The following TSPAN2 variants were observed in gnomAD, a reference collection of about 807,000 sequenced individuals.
TSPAN2 encodes tetraspanin-2.
TSPAN2 carries 24 observed loss-of-function variants against 33.3 expected under a neutral mutation model. The observed-to-expected ratio is 0.72, with a 90% CI of 0.52 to 1.01. The LOEUF (loss-of-function observed/expected upper bound fraction) is 1.01. Ranked by LOEUF, TSPAN2 falls within the 50% of genes least tolerant of loss-of-function variation. TSPAN2 has a pLI of 0.00. For missense variants in TSPAN2, 278 were observed against 281.3 expected, an observed-to-expected ratio of 0.99 and a Z score of 0.08; for synonymous variants, 114 against 104.5, an observed-to-expected ratio of 1.09 and a Z score of -0.56.
chr1:115,067,607 C>G (rs891611795), intron 2 of TSPAN2, among the ~76,000 whole-genome samples: 5 of 151,998 alleles, frequency 3.3e-5, no homozygotes, highest in South Asian at 2.1e-4. Flanking sequence ...CAAGCCACCC[C>G]CTTGGTGTTC....
Position 115,049,823 on chromosome 1 carries a change from G to C in TSPAN2, c.*667C>G, listed in dbSNP as rs1222727127. On this transcript the variant is annotated 3_prime_UTR_variant, in exon 8 of 8. Transcript: ENST00000369516. ...GTCTGTGTGACTTCTCTTTCCAGAGGAAGACTTTTTTATTTTTAAATTCTA... is the reference window on the plus strand; with the variant it reads ...GTCTGTGTGACTTCTCTTTCCAGAGCAAGACTTTTTTATTTTTAAATTCTA... 6.6e-6 allele frequency: 1 copy of C among 152,550 alleles called. No homozygotes were observed. Among genetic ancestry groups the C allele is most frequent in the Admixed American group, 6.5e-5 (1 of 15,272 alleles). The allele number at this position is 152,550 out of a possible 1,614,324, so 9.4% of individuals were successfully genotyped here. A position where few individuals can be genotyped will look rare whatever the true frequency, so the allele number is the denominator to read the frequency against.
At chr1:115,083,785 A>G (rs914922330) in intron 1 of TSPAN2, among the ~76,000 whole-genome samples, 15 of 152,208 alleles carry the variant, frequency 9.9e-5, no homozygotes, top group Admixed American at 6.5e-4. Flanking sequence ...AGTGCACACA[A>G]CTACCTTAGC....
At chr1:115,065,111 G>A (rs1404173566) in intron 2 of TSPAN2, among the ~76,000 whole-genome samples, 2 of 152,194 alleles carry the variant, frequency 1.3e-5, no homozygotes, top group Non-Finnish European at 1.5e-5. Context: ...TGTTTTGTAT[G>A]TGTGGGCCCG....
chr1:115,084,910 G>A (rs1232436897), intron 1 of TSPAN2, among the ~76,000 whole-genome samples: 4 of 152,196 alleles, frequency 2.6e-5, no homozygotes, highest in African/African-American at 9.7e-5. Context: ...GGCAACTTCA[G>A]ACTTGCCATA....
Position 115,073,024 on chromosome 1 carries a change from A to G in TSPAN2, c.70-17T>C. The G allele has an allele frequency of 1.2e-6, 2 of 1,607,242 alleles. No homozygotes were observed. Among genetic ancestry groups the G allele is most frequent in the Non-Finnish European group, 1.7e-6 (2 of 1,173,738 alleles). ...TCCAGCCAGCTGGAAGGCAAACGAC[A>G]CTGTGTTTACAGTGGAAGGGGAAAG... On this transcript the variant is annotated splice_polypyrimidine_tract_variant and intron_variant, in intron 1 of 7. Transcript: ENST00000369516.
chr1:115,089,449 G>GGGATCCCCAGTCCCCA lies in TSPAN2; in HGVS notation c.-33_-18dup. 6.5e-7 allele frequency: 1 copy of GGGATCCCCAGTCCCCA among 1,545,668 alleles called. No individual in the cohort carries two copies. The highest frequency in any genetic ancestry group is 8.7e-7 in the Non-Finnish European group (1 of 1,147,452). ...GCGCCCCATGCTGCGGCCCGGCGGC[G>GGGATCCCCAGTCCCCA]GGATCCCCAGTCCCCAGGCCCGCGC... On this transcript the variant is annotated 5_prime_UTR_variant, in exon 1 of 8. Coordinates refer to ENST00000369516, the MANE Select transcript of TSPAN2 (RefSeq NM_005725.6).
chr1:115,065,746 G>A (rs1280960741), intron 2 of TSPAN2, among the ~76,000 whole-genome samples: 2 of 152,152 alleles, frequency 1.3e-5, no homozygotes, highest in Non-Finnish European at 2.9e-5. Flanking sequence ...TTATCTTTGT[G>A]TTGGGAAGTT....
In TSPAN2 at chr1:115,050,942, A is replaced by G. The variant is rs563350554; in HGVS notation, c.601-387T>C. ...GTGTCCATAACCACTTGTTGTTTAG[A>G]TATGCTTGTGGTCTAAATAATTTTC... On this transcript the variant is annotated intron_variant, in intron 7 of 7. Coordinates refer to ENST00000369516, the MANE Select transcript of TSPAN2 (RefSeq NM_005725.6). 2.6e-5 allele frequency among the ~76,000 whole-genome samples: 4 copies of G among 152,250 alleles called. No individual in the cohort carries two copies. The South Asian group carries it at 8.3e-4, about 32-fold the overall frequency.
Position 115,089,376 on chromosome 1 carries a change from G to T in TSPAN2, c.57C>A (p.Asn19Lys). 1 of 1,594,102 alleles carries T rather than the reference G, an allele frequency of 6.3e-7. No homozygotes were observed. ...RCIKYLLLGF[N>K]LLFWLAGSAV... ...CTCCTGGTCTCACCCAGAAGAGCAG[G>T]TTGAAGCCAAGCAGCAGGTACTTGA... The change falls in exon 1 of 8, where the codon AAC becomes AAA. Residue 19 changes from asparagine to lysine, a missense_variant. Transcript: ENST00000369516.
intron 2 of TSPAN2, among the ~76,000 whole-genome samples, chr1:115,066,985 G>A (rs1312814556): frequency 6.6e-6 from 1 of 152,134 alleles, no homozygotes; most frequent in Non-Finnish European, 1.5e-5. Flanking sequence ...AGGGATGCTC[G>A]ATCTGTAATA....
chr1:115,050,462 A>G lies in TSPAN2; in HGVS notation c.*28T>C. 6.2e-7 allele frequency: 1 copy of G among 1,604,524 alleles called. No homozygotes were observed. ...CTGTGACATTTGGTATGAAAGCTTTAGATTGCAATTTTCATGTAGAAGTAG... is the reference window on the plus strand; with the variant it reads ...CTGTGACATTTGGTATGAAAGCTTTGGATTGCAATTTTCATGTAGAAGTAG... On this transcript the variant is annotated 3_prime_UTR_variant, in exon 8 of 8. Coordinates refer to ENST00000369516, the MANE Select transcript of TSPAN2 (RefSeq NM_005725.6).
intron 2 of TSPAN2, among the ~76,000 whole-genome samples, chr1:115,071,937 G>C (rs1433341487): frequency 6.6e-6 from 1 of 152,156 alleles, no homozygotes; most frequent in East Asian, 1.9e-4. Flanking sequence ...TTGTGATTTA[G>C]AGCAAATGAC....
intron 1 of TSPAN2, among the ~76,000 whole-genome samples, chr1:115,083,779 C>A (rs1305241041): frequency 1.3e-5 from 2 of 152,302 alleles, no homozygotes; most frequent in Non-Finnish European, 2.9e-5. Context: ...AGGGTCAGTG[C>A]ACACAACTAC....
At chr1:115,077,272 T>C (rs867921503) in intron 1 of TSPAN2, among the ~76,000 whole-genome samples, 1 of 149,998 alleles carries the variant, frequency 6.7e-6, no homozygotes, top group South Asian at 2.1e-4. Context: ...GAGAATGTGA[T>C]AAAATAGTAT....
intron 6 of TSPAN2, among the ~76,000 whole-genome samples, chr1:115,054,843 C>T (rs545455371): frequency 5.3e-5 from 8 of 152,042 alleles, no homozygotes; most frequent in East Asian, 1.9e-4. Context: ...AAAAATTAGC[C>T]GGGCATGGTG....
chr1:115,057,704 A>C, intron 5 of TSPAN2, 96 bp from the exon 6 acceptor site: 1 of 1,100,010 alleles, frequency 9.1e-7, no homozygotes, highest in Non-Finnish European at 1.4e-6. Flanking sequence ...GAGGCGGCAA[A>C]GCAGCTCCGA....
Position 115,053,297 on chromosome 1 carries a change from C to T in TSPAN2, c.600+82G>A. The T allele has an allele frequency of 6.5e-6, 8 of 1,227,356 alleles. No individual in the cohort carries two copies. In the South Asian group the frequency reaches 1.0e-4, roughly 15 times the overall value. 76.0% of individuals were successfully genotyped at this position (1,227,356 alleles called of 1,614,324 possible). ...TTTATGAGAATTCTCTCTTAAGATA[C>T]TATCACACTTGAAAAGAAATAAGAT... is the stretch of plus-strand genomic sequence containing the variant. On this transcript the variant is annotated intron_variant, in intron 7 of 7. Transcript: ENST00000369516.
At position 115,050,640 on chromosome 1, in the gene TSPAN2, C is replaced by G. The variant is rs1675289978; in HGVS notation, c.601-85G>C. The G allele has an allele frequency of 1.7e-5, 17 of 1,007,574 alleles. No individual in the cohort carries two copies. The South Asian group carries it at 2.3e-4, about 14-fold the overall frequency. The allele number at this position is 1,007,574 out of a possible 1,614,324, so 62.4% of individuals were successfully genotyped here. ...CAGCAGACTTCCTGGGTGTCTAACT[C>G]AAGTTAACAAATAATTATAACCAAT... On this transcript the variant is annotated intron_variant, in intron 7 of 7. Transcript: ENST00000369516.
At chr1:115,063,906 A>C (rs924960744) in intron 2 of TSPAN2, among the ~76,000 whole-genome samples, 7 of 152,156 alleles carry the variant, frequency 4.6e-5, no homozygotes, top group African/African-American at 1.7e-4. Flanking sequence ...GGACTACTAG[A>C]GGGGCACAGG....
Sources: allele counts gnomAD v4.1 joint callset (sites outside exome capture counted in the v4.1 genomes callset), GRCh38; gene constraint gnomAD v4.1.1; transcripts MANE v1.5; gene names NCBI Gene and HGNC (gene_info 2026-07-23, HGNC 2026-07-21).